Variants in COL22A1 observed in about 807,000 individuals in gnomAD.
COL22A1 encodes collagen alpha-1(XXII) chain.
In COL22A1, 221 loss-of-function variants were observed where a neutral mutation model predicts 248.9. The ratio of observed to expected loss-of-function variants is 0.89; its 90% CI spans 0.80 to 0.99. The LOEUF is 0.99. Among genes scored for constraint, COL22A1 ranks in the 50% least tolerant of loss-of-function variants. The pLI is 0.00. For missense variants in COL22A1, 2,240 were observed against 2,179.0 expected (o/e 1.03, Z -0.56); for synonymous variants, 891 against 793.4 (o/e 1.12, Z -2.07).
At chr8:138,813,192 A>C (rs1818386019) in intron 7 of COL22A1, among the ~76,000 whole-genome samples, 173 bp from the exon 8 acceptor site, 1 of 152,086 alleles carries the variant, frequency 6.6e-6, no homozygotes, top group Non-Finnish European at 1.5e-5. Context: ...TTTCACAAGG[A>C]GCTAAGCATC....
chr8:138,606,267 TC>T, intron 58 of COL22A1, 113 bp downstream of exon 58: 1 of 974,828 alleles, frequency 1.0e-6, no homozygotes, highest in Non-Finnish European at 1.6e-6. Flanking sequence ...ACACAGGTCA[TC>T]ATGGCCTGAG....
At chr8:138,797,207 A>G (rs1200265449) in intron 11 of COL22A1, among the ~76,000 whole-genome samples, 3 of 152,194 alleles carry the variant, frequency 2.0e-5, no homozygotes, top group African/African-American at 7.2e-5. Context: ...ATTTTAGAAT[A>G]TTTTTATCAC....
At chr8:138,621,000 T>C (rs569109272) in intron 52 of COL22A1, among the ~76,000 whole-genome samples, 70 of 146,516 alleles carry the variant, frequency 4.8e-4, no homozygotes, top group African/African-American at 1.8e-3. Context: ...CATCCACCCA[T>C]CCATCCATCC....
chr8:138,613,393 G>A (rs1020569369), intron 56 of COL22A1, among the ~76,000 whole-genome samples: 4 of 152,308 alleles, frequency 2.6e-5, no homozygotes, highest in African/African-American at 9.6e-5. Context: ...CAGAAGCTGG[G>A]AGAGACACCT....
chr8:138,644,424 C>T (rs1354200993), intron 47 of COL22A1, among the ~76,000 whole-genome samples: 1 of 152,122 alleles, frequency 6.6e-6, no homozygotes, highest in Non-Finnish European at 1.5e-5. Context: ...AAGCTAATGT[C>T]AAATGAGCAC....
chr8:138,849,786 C>T (rs528218122), intron 3 of COL22A1, among the ~76,000 whole-genome samples: 1 of 152,310 alleles, frequency 6.6e-6, no homozygotes, highest in East Asian at 1.9e-4. Context: ...ATTTACCCAA[C>T]ATCACACAGC....
intron 61 of COL22A1, among the ~76,000 whole-genome samples, chr8:138,598,366 T>G (rs891316627): frequency 6.6e-6 from 1 of 152,182 alleles, no homozygotes; most frequent in Non-Finnish European, 1.5e-5. Context: ...TCTTCTCAAC[T>G]GCCTTTTGCA....
At chr8:138,685,505 C>T (rs529126985) in intron 37 of COL22A1, among the ~76,000 whole-genome samples, 193 bp from the exon 38 acceptor site, 146 of 152,250 alleles carry the variant, frequency 9.6e-4, no homozygotes, top group African/African-American at 3.5e-3. Context: ...CCCCAAAATT[C>T]GTGTCTTGAA....
intron 7 of COL22A1, among the ~76,000 whole-genome samples, chr8:138,818,874 G>T (rs1818881995): frequency 6.6e-6 from 1 of 152,124 alleles, no homozygotes. Context: ...AAAACAAACA[G>T]GGTGTGATTC....
chr8:138,888,059 T>C (rs1824796676), intron 1 of COL22A1, among the ~76,000 whole-genome samples: 1 of 152,252 alleles, frequency 6.6e-6, no homozygotes, highest in Non-Finnish European at 1.5e-5. Context: ...GTATTTTTCA[T>C]TGTTAAAGCC....
intron 40 of COL22A1, among the ~76,000 whole-genome samples, chr8:138,677,588 G>C (rs1825665026): frequency 6.6e-6 from 1 of 150,578 alleles, no homozygotes; most frequent in Non-Finnish European, 1.5e-5. Flanking sequence ...AGCAAAACCT[G>C]ACTTGTGCTA....
At chr8:138,834,346 A>G (rs895788474) in intron 4 of COL22A1, among the ~76,000 whole-genome samples, 8 of 148,658 alleles carry the variant, frequency 5.4e-5, no homozygotes, top group Non-Finnish European at 1.0e-4. Context: ...AAAGAGAAAA[A>G]GAAAAAAAAA....
chr8:138,766,200 T>G (rs531683459), intron 16 of COL22A1, among the ~76,000 whole-genome samples: 1 of 152,310 alleles, frequency 6.6e-6, no homozygotes, highest in East Asian at 1.9e-4. Context: ...TTCCCTGCAC[T>G]TGCACACCAA....
In COL22A1 at chr8:138,855,830, C is replaced by T. The variant is rs146781015; in HGVS notation, c.659-11672G>A. 4.4e-3 allele frequency among the ~76,000 whole-genome samples: 663 copies of T among 152,360 alleles called. 2 individuals are homozygous for T. Among genetic ancestry groups the T allele is most frequent in the Non-Finnish European group, 6.3e-3 (429 of 68,040 alleles). ...GCTGCTTCAGCAACTTCACCTGTCC[C>T]CACCGACGTAGCTTCTGATCTGTTC... On this transcript the variant is annotated intron_variant, in intron 3 of 64. Coordinates refer to ENST00000303045, the MANE Select transcript of COL22A1 (RefSeq NM_152888.3).
chr8:138,720,851 C>T (rs1190435790), intron 26 of COL22A1, 59 bp from the exon 27 acceptor site: 6 of 1,345,660 alleles, frequency 4.5e-6, no homozygotes, highest in Middle Eastern at 1.8e-4. Context: ...TTAAACAACA[C>T]AAAGTACTAG....
chr8:138,792,903 T>C (rs1175842064), intron 12 of COL22A1, among the ~76,000 whole-genome samples: 1 of 152,204 alleles, frequency 6.6e-6, no homozygotes, highest in African/African-American at 2.4e-5. Context: ...CCTGGGCACA[T>C]ACTAACTGTG....
intron 52 of COL22A1, 152 bp from the exon 53 acceptor site, chr8:138,619,660 C>T: frequency 1.4e-6 from 1 of 692,654 alleles, no homozygotes; most frequent in South Asian, 1.7e-5. Context: ...CCTTCTTAAT[C>T]TACACAAATC....
At chr8:138,681,886 T>G (rs1479617068) in intron 39 of COL22A1, among the ~76,000 whole-genome samples, 1 of 152,166 alleles carries the variant, frequency 6.6e-6, no homozygotes, top group African/African-American at 2.4e-5. Flanking sequence ...ACATCACCCT[T>G]AGGAAAAAGC....
intron 45 of COL22A1, among the ~76,000 whole-genome samples, chr8:138,651,646 C>T (rs1353128347): frequency 7.9e-6 from 1 of 126,884 alleles, no homozygotes; most frequent in African/African-American, 2.5e-5. Context: ...CTGAAAGGAG[C>T]TCGCCTCTTT....
Sources: gnomAD v4.1 joint callset for allele counts (sites outside exome capture counted in the v4.1 genomes callset) on GRCh38, gnomAD v4.1.1 for gene constraint, MANE v1.5 for transcripts, NCBI Gene and HGNC (gene_info 2026-07-23, HGNC 2026-07-21) for gene names.